Variants in FGGY observed in about 807,000 individuals in gnomAD.
The protein encoded by FGGY is FGGY carbohydrate kinase domain-containing protein.
In FGGY, 72 loss-of-function variants were observed where a neutral mutation model predicts 71.3. The observed-to-expected ratio is 1.01, with a 90% CI of 0.84 to 1.23. The LOEUF is 1.23. Among genes scored for constraint, FGGY ranks in the 50% most tolerant of loss-of-function variants. The pLI is 0.00. For missense variants in FGGY, 668 were observed against 682.3 expected (o/e 0.98, Z 0.23); for synonymous variants, 251 against 250.3 (o/e 1.00, Z -0.02).
At chr1:59,304,656 G>A (rs1392742670) in intron 1 of FGGY, among the ~76,000 whole-genome samples, 1 of 151,856 alleles carries the variant, frequency 6.6e-6, no homozygotes, top group Non-Finnish European at 1.5e-5. Flanking sequence ...ATCACTTTGA[G>A]TAGTATGGTT....
intron 6 of FGGY, among the ~76,000 whole-genome samples, chr1:59,493,769 TA>T (rs2093951980): frequency 1.3e-5 from 2 of 152,184 alleles, no homozygotes; most frequent in African/African-American, 4.8e-5. Context: ...ATTGTATGCA[TA>T]AAAACAGTTA....
intron 14 of FGGY, among the ~76,000 whole-genome samples, chr1:59,697,288 C>T (rs549906555): frequency 2.6e-5 from 4 of 152,266 alleles, no homozygotes; most frequent in African/African-American, 9.6e-5. Context: ...CACCACCATC[C>T]ATCTCCGGAA....
chr1:59,698,010 G>C (rs2097676894), intron 14 of FGGY, among the ~76,000 whole-genome samples: 1 of 152,108 alleles, frequency 6.6e-6, no homozygotes, highest in African/African-American at 2.4e-5. Flanking sequence ...TATCAAAAAA[G>C]CATGTCTTTT....
At chr1:59,476,875 C>T (rs1397227567) in intron 6 of FGGY, among the ~76,000 whole-genome samples, 2 of 152,322 alleles carry the variant, frequency 1.3e-5, no homozygotes, top group East Asian at 1.9e-4. Flanking sequence ...GAGAAGAGGG[C>T]TGAAGATGTG....
chr1:59,603,355 G>T (rs2096595437), intron 8 of FGGY, among the ~76,000 whole-genome samples: 1 of 152,070 alleles, frequency 6.6e-6, no homozygotes, highest in Non-Finnish European at 1.5e-5. Context: ...TAAGCATATT[G>T]ATTAAACCAA....
chr1:59,489,418 C>A (rs2093757083), intron 6 of FGGY, among the ~76,000 whole-genome samples: 1 of 152,108 alleles, frequency 6.6e-6, no homozygotes, highest in Admixed American at 6.6e-5. Flanking sequence ...CTTTTTACTT[C>A]TATGAGATCA....
chr1:59,502,267 G>A (rs1021662139), intron 6 of FGGY, among the ~76,000 whole-genome samples: 3 of 152,138 alleles, frequency 2.0e-5, no homozygotes, highest in Admixed American at 6.6e-5. Context: ...CCCTCAAGGC[G>A]ATTATAATCT....
At chr1:59,481,446 C>T (rs2093463954) in intron 6 of FGGY, among the ~76,000 whole-genome samples, 1 of 152,154 alleles carries the variant, frequency 6.6e-6, no homozygotes, top group Non-Finnish European at 1.5e-5. Flanking sequence ...CGAGTGCTTT[C>T]TCTCTTCCTG....
At chr1:59,593,769 G>A (rs2096486240) in intron 8 of FGGY, among the ~76,000 whole-genome samples, 1 of 152,180 alleles carries the variant, frequency 6.6e-6, no homozygotes, top group South Asian at 2.1e-4. Context: ...ACAAGGACAA[G>A]CACAGTATCT....
chr1:59,551,664 A>G (rs1333825411), intron 7 of FGGY, among the ~76,000 whole-genome samples: 1 of 152,160 alleles, frequency 6.6e-6, no homozygotes, highest in Non-Finnish European at 1.5e-5. Flanking sequence ...TTGGAATCAG[A>G]TTACCTGAAT....
chr1:59,731,384 G>T (rs549013909), intron 14 of FGGY, among the ~76,000 whole-genome samples: 1 of 152,260 alleles, frequency 6.6e-6, no homozygotes, highest in South Asian at 2.1e-4. Context: ...CCAGATGTGC[G>T]TGGAAAACCT....
chr1:59,338,642 C>A (rs1006306466), intron 2 of FGGY, among the ~76,000 whole-genome samples: 3 of 151,814 alleles, frequency 2.0e-5, no homozygotes, highest in African/African-American at 7.3e-5. Flanking sequence ...GACTTCACAC[C>A]GCCACACCCA....
At position 59,363,194 on chromosome 1, in the gene FGGY, C is replaced by T. The variant is rs931420591; in HGVS notation, c.466-15555C>T. 2.0e-5 allele frequency among the ~76,000 whole-genome samples: 3 copies of T among 152,096 alleles called. 1 individual carries two copies. Among genetic ancestry groups the T allele is most frequent in the African/African-American group, 7.2e-5 (3 of 41,392 alleles). ...CAATCCTATGAGTTAAATGTTGCTA[C>T]CAATGAACAAAGTGAGACTCATAGA... On this transcript the variant is annotated intron_variant, in intron 4 of 15. Coordinates refer to ENST00000303721, the MANE Select transcript of FGGY (RefSeq NM_018291.5).
chr1:59,326,898 G>A (rs1032871746), intron 2 of FGGY, among the ~76,000 whole-genome samples: 1 of 152,126 alleles, frequency 6.6e-6, no homozygotes, highest in Non-Finnish European at 1.5e-5. Flanking sequence ...TGAAAGTTAT[G>A]TTTACATTAT....
At chr1:59,686,471 C>T (rs1023588748) in intron 14 of FGGY, among the ~76,000 whole-genome samples, 13 of 152,168 alleles carry the variant, frequency 8.5e-5, no homozygotes, top group South Asian at 2.1e-4. Context: ...TAAGAGAGAA[C>T]GCTGTGGACT....
intron 1 of FGGY, among the ~76,000 whole-genome samples, chr1:59,307,345 G>C (rs1388752214): frequency 2.7e-5 from 4 of 148,776 alleles, no homozygotes; most frequent in Non-Finnish European, 5.9e-5. Context: ...AAAATCGAGT[G>C]ATTTAGACAG....
chr1:59,663,191 C>T (rs1422239819), intron 12 of FGGY, among the ~76,000 whole-genome samples: 2 of 152,186 alleles, frequency 1.3e-5, no homozygotes, highest in African/African-American at 4.8e-5. Flanking sequence ...GGTTTGTTCT[C>T]ATTTTACAGA....
At chr1:59,626,245 A>G (rs2096855344) in intron 10 of FGGY, 196 bp downstream of exon 10, 3 of 518,508 alleles carry the variant, frequency 5.8e-6, no homozygotes, top group Non-Finnish European at 1.0e-5. Context: ...TAGAGAACCT[A>G]GAGATACCCC....
chr1:59,714,174 T>C (rs529994860), intron 14 of FGGY, among the ~76,000 whole-genome samples: 2 of 152,304 alleles, frequency 1.3e-5, no homozygotes, highest in East Asian at 3.9e-4. Context: ...GGTGAGTTCA[T>C]TGGGATAATA....
Sources: gnomAD v4.1 joint callset for allele counts (sites outside exome capture counted in the v4.1 genomes callset) on GRCh38, gnomAD v4.1.1 for gene constraint, MANE v1.5 for transcripts, NCBI Gene and HGNC (gene_info 2026-07-23, HGNC 2026-07-21) for gene names.